The following RNF169 variants were observed in gnomAD, a reference collection of about 807,000 sequenced individuals.
The protein encoded by RNF169 is E3 ubiquitin-protein ligase RNF169.
Under a neutral mutation model 53.9 loss-of-function variants are expected in RNF169, and 24 were observed. The ratio of observed to expected loss-of-function variants is 0.45; its 90% confidence interval spans 0.32 to 0.63. The LOEUF is 0.63. Ranked by LOEUF, RNF169 falls within the 20% of genes least tolerant of loss-of-function variation. RNF169 has a pLI of 0.04. For synonymous variants in RNF169, 396 were observed against 363.5 expected, an observed-to-expected ratio of 1.09 and a Z score of -1.02; for missense variants, 883 against 906.2, an observed-to-expected ratio of 0.97 and a Z score of 0.33.
At position 74,763,010 on chromosome 11, in the gene RNF169, A is replaced by T. The variant is rs141365508; in HGVS notation, c.502+13628A>T. Among the ~76,000 whole-genome samples the T allele has an allele frequency of 2.2e-4, 33 of 152,322 alleles. No individual in the cohort carries two copies. In the East Asian group the frequency reaches 6.2e-3, roughly 28 times the overall value. ...TTTTGATGTGCTGCACTCTAGGTGA[A>T]AGGGTGGGCTAGAAAAAGAAAATCT... is the stretch of plus-strand genomic sequence containing the variant. On this transcript the variant is annotated intron_variant, in intron 1 of 5. Coordinates refer to ENST00000299563, the MANE Select transcript of RNF169 (RefSeq NM_001098638.2).
intron 1 of RNF169, among the ~76,000 whole-genome samples, chr11:74,775,262 A>C (rs1207617456): frequency 2.0e-5 from 3 of 152,166 alleles, no homozygotes; most frequent in Non-Finnish European, 4.4e-5. Context: ...ACACCTGTGG[A>C]GGTATTGATC....
intron 1 of RNF169, among the ~76,000 whole-genome samples, chr11:74,774,238 C>T (rs1328558740): frequency 6.6e-6 from 1 of 151,408 alleles, no homozygotes; most frequent in East Asian, 1.9e-4. Flanking sequence ...CCCGGCTGCT[C>T]AGGAGGCTGA....
chr11:74,836,158 A>C lies in RNF169; in HGVS notation c.1555A>C (p.Lys519Gln), dbSNP rs2036252983. Residue 519 changes from lysine (K) to glutamine (Q), a missense_variant, in exon 6 of 6, where the codon AAA (lysine) becomes CAA (glutamine). Physicochemically the swap from Lys to Gln is moderately conservative, Grantham distance 53. Coordinates refer to ENST00000299563, the MANE Select transcript of RNF169 (RefSeq NM_001098638.2). ...QTKAEQDSDN[K>Q]SSTEIPLETC... ...AAAAGCAGAACAGGACAGTGATAAT[A>C]AAAGTAGCACTGAGATCCCACTGGA... 2.5e-6 allele frequency: 4 copies of C among 1,614,168 alleles called. No homozygotes were observed. The highest frequency in any genetic ancestry group is 3.4e-6 in the Non-Finnish European group (4 of 1,179,978).
At chr11:74,762,158 C>G (rs915970667) in intron 1 of RNF169, among the ~76,000 whole-genome samples, 1 of 150,516 alleles carries the variant, frequency 6.6e-6, no homozygotes, top group Non-Finnish European at 1.5e-5. Flanking sequence ...GCTCCATCAG[C>G]TCCTTTAAAC....
At chr11:74,790,918 G>T (rs2035569612) in intron 2 of RNF169, among the ~76,000 whole-genome samples, 1 of 152,220 alleles carries the variant, frequency 6.6e-6, no homozygotes, top group South Asian at 2.1e-4. Flanking sequence ...TTTTCTTGTT[G>T]CCCACAACAT....
intron 3 of RNF169, among the ~76,000 whole-genome samples, chr11:74,815,386 T>G (rs935251136): frequency 5.3e-5 from 8 of 152,056 alleles, no homozygotes; most frequent in African/African-American, 1.9e-4. Flanking sequence ...TGAAACCCTG[T>G]CTCTACCAAA....
At chr11:74,823,796 T>C (rs866697451) in intron 4 of RNF169, among the ~76,000 whole-genome samples, 1 of 148,304 alleles carries the variant, frequency 6.7e-6, no homozygotes, top group Non-Finnish European at 1.5e-5. Flanking sequence ...TCTAAGGAAC[T>C]CTGTCAGATC....
intron 1 of RNF169, among the ~76,000 whole-genome samples, chr11:74,760,253 A>G (rs1363729482): frequency 1.3e-5 from 2 of 152,090 alleles, no homozygotes; most frequent in African/African-American, 2.4e-5. Context: ...GATCCTTTCA[A>G]AAAACCAGCT....
At position 74,823,729 on chromosome 11, in the gene RNF169, C is replaced by A. The variant is rs181753691; in HGVS notation, c.842+6015C>A. On this transcript the variant is annotated intron_variant, in intron 4 of 5. Coordinates refer to ENST00000299563, the MANE Select transcript of RNF169 (RefSeq NM_001098638.2). Reference sequence around the variant, plus strand: ...TCCAGCCTAGGCGATAGAGTGAGACCCTGTCTCAGAAAAAAAAAAAAAAAA... The same window carrying A: ...TCCAGCCTAGGCGATAGAGTGAGACACTGTCTCAGAAAAAAAAAAAAAAAA... Among the ~76,000 whole-genome samples the A allele has an allele frequency of 3.0e-3, 382 of 126,692 alleles. 2 individuals carry two copies. Among genetic ancestry groups the A allele is most frequent in the African/African-American group, 0.012 (373 of 31,840 alleles). 83.1% of individuals were successfully genotyped at this position (126,692 alleles called of 152,430 possible).
At chr11:74,819,446 C>T (rs1439628609) in intron 4 of RNF169, among the ~76,000 whole-genome samples, 1 of 152,202 alleles carries the variant, frequency 6.6e-6, no homozygotes, top group Non-Finnish European at 1.5e-5. Context: ...TGCCTCTGTT[C>T]ACCTTCTCCT....
At chr11:74,776,533 A>T (rs1014824359) in intron 1 of RNF169, among the ~76,000 whole-genome samples, 1 of 151,722 alleles carries the variant, frequency 6.6e-6, no homozygotes, top group South Asian at 2.1e-4. Context: ...AAAAAAAAAA[A>T]ATTTAAGCCA....
chr11:74,769,448 T>G (rs113290990), intron 1 of RNF169, among the ~76,000 whole-genome samples: 438 of 152,316 alleles, frequency 2.9e-3, no homozygotes, highest in Middle Eastern at 0.027. Flanking sequence ...GTTGAAGAGA[T>G]AGATTCCTTG....
intron 2 of RNF169, among the ~76,000 whole-genome samples, chr11:74,807,381 A>G (rs2035820746): frequency 6.6e-6 from 1 of 152,092 alleles, no homozygotes; most frequent in African/African-American, 2.4e-5. Context: ...CAGCTATTGC[A>G]GCACTTTATA....
intron 2 of RNF169, among the ~76,000 whole-genome samples, chr11:74,798,870 T>C (rs1365191319): frequency 1.3e-5 from 2 of 152,070 alleles, no homozygotes; most frequent in Non-Finnish European, 2.9e-5. Context: ...CTGATAGTAG[T>C]GAGACCTCGT....
chr11:74,772,233 A>G (rs1030496281), intron 1 of RNF169, among the ~76,000 whole-genome samples: 1 of 152,178 alleles, frequency 6.6e-6, no homozygotes, highest in Non-Finnish European at 1.5e-5. Flanking sequence ...AAGGGGAGTG[A>G]ATTTGAAATC....
chr11:74,770,561 A>G (rs1273197337), intron 1 of RNF169, among the ~76,000 whole-genome samples: 1 of 152,202 alleles, frequency 6.6e-6, no homozygotes, highest in Non-Finnish European at 1.5e-5. Flanking sequence ...TATTTTTTTC[A>G]AAATAATGGC....
At position 74,837,496 on chromosome 11, in the gene RNF169, G is replaced by T. The variant is rs1051830237; in HGVS notation, c.*766G>T. ...CACAACCTAAGGGTGTGCCAGGGGA[G>T]CCTAGGGGAAGCTAGGCTGGGCATT... On this transcript the variant is annotated 3_prime_UTR_variant, in exon 6 of 6. Coordinates refer to ENST00000299563, the MANE Select transcript of RNF169 (RefSeq NM_001098638.2). The T allele has an allele frequency of 2.0e-5, 3 of 152,214 alleles. No individual in the cohort carries two copies. The highest frequency in any genetic ancestry group is 4.4e-5 in the Non-Finnish European group (3 of 68,042). The allele number at this position is 152,214 out of a possible 1,614,324, so 9.4% of individuals were successfully genotyped here.
chr11:74,801,550 A>G (rs2035729366), intron 2 of RNF169, among the ~76,000 whole-genome samples: 1 of 152,218 alleles, frequency 6.6e-6, no homozygotes, highest in African/African-American at 2.4e-5. Context: ...CTTGTATTAT[A>G]TTCCTTTCAT....
At chr11:74,757,041 C>T in intron 1 of RNF169, among the ~76,000 whole-genome samples, 1 of 148,070 alleles carries the variant, frequency 6.8e-6, no homozygotes, top group East Asian at 2.0e-4. Flanking sequence ...TACATGTGCA[C>T]ATTGTGCAGG....
Sources: gnomAD v4.1 joint callset for allele counts (sites outside exome capture counted in the v4.1 genomes callset) on GRCh38, gnomAD v4.1.1 for gene constraint, MANE v1.5 for transcripts, NCBI Gene and HGNC (gene_info 2026-07-23, HGNC 2026-07-21) for gene names.